The following APEX2 variants were observed in gnomAD, a reference collection of about 807,000 sequenced individuals.
APEX2 encodes apurinic/apyrimidinic endodeoxyribonuclease 2.
In APEX2, 4 loss-of-function variants were observed where a neutral mutation model predicts 16.7. The observed-to-expected ratio is 0.24, with a 90% CI of 0.12 to 0.55. APEX2 has a LOEUF of 0.55. APEX2 is among the 20% of genes least tolerant of loss of function. APEX2 has a pLI of 0.94. For missense variants in APEX2, 357 were observed against 433.6 expected, an observed-to-expected ratio of 0.82 and a Z score of 1.57; for synonymous variants, 181 against 166.9, an observed-to-expected ratio of 1.08 and a Z score of -0.65.
Position 55,007,408 on chromosome X carries a change from C to A in APEX2, c.1530C>A (p.Asn510Lys). The change falls in exon 6 of 6, where the codon AAC becomes AAA. Residue 510 changes from asparagine to lysine, a missense_variant. By Grantham distance (94) the Asn-to-Lys change is moderately conservative. Coordinates refer to ENST00000374987, the MANE Select transcript of APEX2 (RefSeq NM_014481.4). ...CCACTGACCCCTCCTCCCGGTGCAA[C>A]TTCTTCCTCTGGAGCAGGCCCAGCT... is the stretch of plus-strand genomic sequence containing the variant. ...GPPTDPSSRC[N>K]FFLWSRPS 8.5e-7 allele frequency: 1 copy of A among 1,175,049 alleles called. No homozygotes were observed. Among genetic ancestry groups the A allele is most frequent in the Non-Finnish European group, 1.1e-6 (1 of 875,441 alleles).
In APEX2 at chrX:55,002,296, A is replaced by C. The variant is rs1391486911; in HGVS notation, c.287A>C (p.Glu96Ala). 1 of 1,207,584 alleles carries C rather than the reference A, an allele frequency of 8.3e-7. No homozygotes were observed. Among genetic ancestry groups the C allele is most frequent in the Non-Finnish European group, 1.1e-6 (1 of 894,209 alleles). Residue 96 changes from glutamate (E) to alanine (A), a missense_variant, in exon 3 of 6, where the codon GAA (glutamate) becomes GCA (alanine). By Grantham distance (107) the Glu-to-Ala change is moderately radical. Transcript: ENST00000374987. ...CKDNATPVAA[E>A]EGLSGLFATQ... is the part of the protein sequence containing the mutation. ...GACAATGCTACCCCAGTGGCTGCTG[A>C]AGAAGGCCTGAGTGGCCTGTTTGCC... is the stretch of plus-strand genomic sequence containing the variant.
chrX:55,001,833 G>A (rs2038520123), intron 2 of APEX2, among the ~76,000 whole-genome samples: 1 of 102,428 alleles, frequency 9.8e-6, no homozygotes, highest in Non-Finnish European at 1.9e-5. Context: ...GTAGTGTGGT[G>A]CTTAATTGTG....
At chrX:55,005,954 G>C (rs990768156) in intron 5 of APEX2, among the ~76,000 whole-genome samples, 7 of 109,810 alleles carry the variant, frequency 6.4e-5, no homozygotes, top group African/African-American at 2.3e-4. Flanking sequence ...TTCTTGCATT[G>C]AATGAGTGGG....
intron 5 of APEX2, 67 bp downstream of exon 5, chrX:55,003,935 G>T: frequency 9.3e-7 from 1 of 1,074,997 alleles, no homozygotes; most frequent in Non-Finnish European, 1.3e-6. Context: ...AACCAACCCT[G>T]AGTTTTTGGC....
chrX:55,004,775 T>TC (rs1163175814), intron 5 of APEX2, among the ~76,000 whole-genome samples: 1 of 111,371 alleles, frequency 9.0e-6, no homozygotes, highest in African/African-American at 3.3e-5. Context: ...ATCTCTAAGT[T>TC]CCCCTAGGCC....
intron 5 of APEX2, 78 bp from the exon 6 acceptor site, chrX:55,006,440 A>G: frequency 1.2e-6 from 1 of 857,581 alleles, no homozygotes; most frequent in Non-Finnish European, 1.5e-6. Flanking sequence ...AAAATGCAGC[A>G]GTTAGTCTAA....
chrX:55,000,936 C>T (rs1323403104), intron 1 of APEX2, among the ~76,000 whole-genome samples: 2 of 109,004 alleles, frequency 1.8e-5, no homozygotes, highest in Admixed American at 9.8e-5. Flanking sequence ...CTCAGATCCT[C>T]TAATTCCCAC....
At position 55,006,686 on chromosome X, in the gene APEX2, C is replaced by A. The variant is rs1935503614; in HGVS notation, c.808C>A (p.Leu270Ile). The A allele has an allele frequency of 8.6e-7, 1 of 1,166,921 alleles. No individual in the cohort carries two copies. The highest frequency in any genetic ancestry group is 2.5e-5 in the Admixed American group (1 of 40,816). ...GTCAGCAGTCACTGGCGCCCGCCATCTCAACTATGGCTCCCGGCTTGACTA... is the reference window on the plus strand; with the variant it reads ...GTCAGCAGTCACTGGCGCCCGCCATATCAACTATGGCTCCCGGCTTGACTA... ...CWSAVTGARH[L>I]NYGSRLDYVL... The change falls in exon 6 of 6, where the codon CTC becomes ATC. Residue 270 changes from leucine to isoleucine, a missense_variant. Physicochemically the swap from Leu to Ile is conservative, Grantham distance 5 (BLOSUM62 2). Coordinates refer to ENST00000374987, the MANE Select transcript of APEX2 (RefSeq NM_014481.4).
Position 55,007,427 on chromosome X carries a change from C to T in APEX2, c.1549C>T (p.Pro517Ser). 8.6e-7 allele frequency: 1 copy of T among 1,156,886 alleles called. No homozygotes were observed. Among genetic ancestry groups the T allele is most frequent in the African/African-American group, 1.8e-5 (1 of 56,418 alleles). Residue 517 changes from proline to serine, a missense_variant, in exon 6 of 6, where the codon CCC becomes TCC. Pro to Ser is a moderately conservative substitution (Grantham distance 74). Coordinates refer to ENST00000374987, the MANE Select transcript of APEX2 (RefSeq NM_014481.4). ...GTGCAACTTCTTCCTCTGGAGCAGG[C>T]CCAGCTGAACCAATGGAGGCCTGGG... ...SRCNFFLWSR[P>S]S
In APEX2 at chrX:55,007,897, G is replaced by T. The variant is rs1265459225; in HGVS notation, c.*462G>T. The T allele has an allele frequency of 8.5e-6, 1 of 117,222 alleles. No individual in the cohort carries two copies. The highest frequency in any genetic ancestry group is 1.7e-5 in the Non-Finnish European group (1 of 57,236). 9.7% of individuals were successfully genotyped at this position (117,222 alleles called of 1,213,427 possible). A position where few individuals can be genotyped will look rare whatever the true frequency, so the allele number is the denominator to read the frequency against. On this transcript the variant is annotated 3_prime_UTR_variant, in exon 6 of 6. Coordinates refer to ENST00000374987, the MANE Select transcript of APEX2 (RefSeq NM_014481.4). ...TCCCAGAGAAAGGGGAGGAGGGAGG[G>T]GGGAGGAGGGAATAGTGAGGCGTGA...
chrX:55,002,566 G>T (rs1935458920), intron 3 of APEX2, 135 bp downstream of exon 3: 9 of 780,596 alleles, frequency 1.2e-5, no homozygotes, highest in Non-Finnish European at 1.2e-5. Flanking sequence ...TTTAGTCCTG[G>T]CTGGGCTACT....
chrX:55,008,162 T>A lies in APEX2; in HGVS notation c.*727T>A, dbSNP rs1033162475. Reference sequence around the variant, plus strand: ...GGACGATTGCCTCCTTAGCAAGTAGTATCATTAGTACCCCTAAGTGTGCCA... The same window carrying A: ...GGACGATTGCCTCCTTAGCAAGTAGAATCATTAGTACCCCTAAGTGTGCCA... On this transcript the variant is annotated 3_prime_UTR_variant, in exon 6 of 6. Coordinates refer to ENST00000374987, the MANE Select transcript of APEX2 (RefSeq NM_014481.4). 2 of 112,576 alleles carry A rather than the reference T, an allele frequency of 1.8e-5. No homozygotes were observed. The highest frequency in any genetic ancestry group is 3.8e-5 in the Non-Finnish European group (2 of 53,245). The allele number at this position is 112,576 out of a possible 1,213,427, so 9.3% of individuals were successfully genotyped here.
In APEX2 at chrX:55,003,052, G is replaced by T; in HGVS notation, c.513G>T (p.Lys171Asn). ...GGAGGCCTGAGCGGCTAGTCTTTAA[G>T]ATGCGCTTCTATCGTTTGCTGCAAA... ...DPGRPERLVF[K>N]MRFYRLLQIR... is the part of the protein sequence containing the mutation. Residue 171 changes from lysine to asparagine, a missense_variant, in exon 4 of 6, where the codon AAG becomes AAT. Transcript: ENST00000374987. 1 of 1,212,125 alleles carries T rather than the reference G, an allele frequency of 8.2e-7. No individual in the cohort carries two copies. Among genetic ancestry groups the T allele is most frequent in the South Asian group, 1.8e-5 (1 of 57,000 alleles).
intron 1 of APEX2, 29 bp downstream of exon 1, chrX:55,000,608 C>G: frequency 1.7e-6 from 2 of 1,171,051 alleles, no homozygotes; most frequent in Non-Finnish European, 1.1e-6. Context: ...AGGATCCCTA[C>G]ATACTTTTTC....
intron 5 of APEX2, among the ~76,000 whole-genome samples, chrX:55,005,408 T>TC (rs938852450): frequency 6.2e-5 from 7 of 112,033 alleles, no homozygotes; most frequent in Non-Finnish European, 1.1e-4. Flanking sequence ...ACACAGTCTT[T>TC]CCAAAATAGC....
chrX:55,006,040 G>C (rs1324909408), intron 5 of APEX2, among the ~76,000 whole-genome samples: 1 of 107,379 alleles, frequency 9.3e-6, no homozygotes, highest in Non-Finnish European at 1.9e-5. Flanking sequence ...TTCAGACCTG[G>C]ATCCTTGCAG....
At chrX:55,005,479 C>A (rs1935488893) in intron 5 of APEX2, among the ~76,000 whole-genome samples, 1 of 112,068 alleles carries the variant, frequency 8.9e-6, no homozygotes, top group Non-Finnish European at 1.9e-5. Context: ...GTAAATGGCA[C>A]CATCATCCCC....
At position 55,006,857 on chromosome X, in the gene APEX2, C is replaced by T. The variant is rs138407648; in HGVS notation, c.979C>T (p.Arg327Cys). 405 of 1,210,184 alleles carry T rather than the reference C, an allele frequency of 3.3e-4. No individual in the cohort carries two copies. The highest frequency in any genetic ancestry group is 8.3e-4 in the East Asian group (28 of 33,769). ...AAAACAGTGCCCACCTCTGTGCACC[C>T]GCTTCCTCCCTGAGTTTGCAGGCAC... ...PAKQCPPLCT[R>C]FLPEFAGTQL... Residue 327 changes from arginine (R) to cysteine (C), a missense_variant, in exon 6 of 6, where the codon CGC becomes TGC. By Grantham distance (180) the Arg-to-Cys change is radical. Coordinates refer to ENST00000374987, the MANE Select transcript of APEX2 (RefSeq NM_014481.4).
At chrX:55,002,847 T>C in intron 3 of APEX2, 115 bp from the exon 4 acceptor site, 1 of 856,496 alleles carries the variant, frequency 1.2e-6, no homozygotes, top group South Asian at 2.6e-5. Context: ...TGTGTCTCTT[T>C]AACCCCTTTC....
Sources: allele counts gnomAD v4.1 joint callset (sites outside exome capture counted in the v4.1 genomes callset), GRCh38; gene constraint gnomAD v4.1.1; transcripts MANE v1.5; gene names NCBI Gene and HGNC (gene_info 2026-07-23, HGNC 2026-07-21).